The following NCOA6 variants were observed in gnomAD, a reference collection of about 807,000 sequenced individuals.
NCOA6 encodes NRC RAP250.
A neutral mutation model predicts 171.4 loss-of-function variants in NCOA6; 49 were observed. The observed-to-expected ratio is 0.29, with a 90% CI of 0.23 to 0.36. The LOEUF is 0.36. Among genes scored for constraint, NCOA6 ranks in the 10% least tolerant of loss-of-function variants. The probability of loss-of-function intolerance (pLI) is 1.00; values close to 1 mark genes in which losing one functional copy is unlikely to be tolerated. For missense variants in NCOA6, 2,248 were observed against 2,554.5 expected, an observed-to-expected ratio of 0.88 and a Z score of 2.59; for synonymous variants, 910 against 927.5, an observed-to-expected ratio of 0.98 and a Z score of 0.34.
At chr20:34,755,659 C>CTAG (rs2076620813) in intron 7 of NCOA6, among the ~76,000 whole-genome samples, 1 of 152,228 alleles carries the variant, frequency 6.6e-6, no homozygotes, top group Non-Finnish European at 1.5e-5. Context: ...CCTAGGTGAG[C>CTAG]ATATCATCTG....
intron 5 of NCOA6, among the ~76,000 whole-genome samples, chr20:34,762,124 GGTT>G (rs2076836861): frequency 6.6e-6 from 1 of 152,144 alleles, no homozygotes; most frequent in African/African-American, 2.4e-5. Flanking sequence ...CTTGAGGCTA[GGTT>G]GTTAAATACG....
At chr20:34,722,901 G>C (rs991655834) in intron 14 of NCOA6, among the ~76,000 whole-genome samples, 1 of 152,050 alleles carries the variant, frequency 6.6e-6, no homozygotes, top group Non-Finnish European at 1.5e-5. Context: ...CAGCAACCTG[G>C]GATGTTGAGG....
chr20:34,775,684 A>G (rs1600970582), intron 4 of NCOA6, among the ~76,000 whole-genome samples: 2 of 44,154 alleles, frequency 4.5e-5, no homozygotes, highest in African/African-American at 1.6e-4. Context: ...AAAAAAAAAA[A>G]AAAAAAAAGA....
intron 1 of NCOA6, among the ~76,000 whole-genome samples, chr20:34,813,267 A>C (rs1339446683): frequency 6.6e-6 from 1 of 151,464 alleles, no homozygotes; most frequent in African/African-American, 2.4e-5. Flanking sequence ...GGAGTTCGAG[A>C]CCATCTTGGC....
At position 34,782,143 on chromosome 20, in the gene NCOA6, G is replaced by A. The variant is rs1420719345; in HGVS notation, c.213C>T (p.Asn71=). The A allele has an allele frequency of 8.1e-6, 13 of 1,598,358 alleles. No homozygotes were observed. Among genetic ancestry groups the A allele is most frequent in the South Asian group, 2.3e-5 (2 of 88,654 alleles). ...FKWKLDAILK[N]VPNLLHMESS... ...TACCCATGTGTAACAAATTGGGCAC[G>A]TTTTTCAATATTGCATCTAATTTCC... The change falls in exon 3 of 15, where the codon AAC becomes AAT. Residue 71 remains asparagine, a synonymous_variant. Transcript: ENST00000359003.
At chr20:34,799,176 CT>C (rs1052631573) in intron 1 of NCOA6, among the ~76,000 whole-genome samples, 10 of 152,174 alleles carry the variant, frequency 6.6e-5, no homozygotes, top group African/African-American at 2.4e-4. Context: ...AGCAGAAATT[CT>C]GGATTGAAAA....
intron 14 of NCOA6, among the ~76,000 whole-genome samples, chr20:34,723,510 A>G (rs1989619816): frequency 6.6e-6 from 1 of 152,196 alleles, no homozygotes; most frequent in African/African-American, 2.4e-5. Flanking sequence ...TTCCAGGGAC[A>G]GGCCAGAGCT....
intron 1 of NCOA6, chr20:34,819,679 T>C (rs1035099323): frequency 6.6e-6 from 1 of 152,192 alleles, no homozygotes; most frequent in Non-Finnish European, 1.5e-5. Flanking sequence ...AATGAGCCCC[T>C]GCTCTGTACC....
At chr20:34,773,000 T>C (rs999130437) in intron 4 of NCOA6, among the ~76,000 whole-genome samples, 1 of 152,216 alleles carries the variant, frequency 6.6e-6, no homozygotes, top group Admixed American at 6.5e-5. Context: ...TGCTAATTTG[T>C]GTCAAAGAGA....
At chr20:34,781,068 T>C (rs2077502769) in intron 3 of NCOA6, among the ~76,000 whole-genome samples, 1 of 152,226 alleles carries the variant, frequency 6.6e-6, no homozygotes, top group Non-Finnish European at 1.5e-5. Flanking sequence ...CAGCAAGACC[T>C]TTATAATATA....
At chr20:34,764,876 G>A (rs181236715) in intron 5 of NCOA6, among the ~76,000 whole-genome samples, 1 of 151,982 alleles carries the variant, frequency 6.6e-6, no homozygotes, top group East Asian at 1.9e-4. Flanking sequence ...CACTTTGTGA[G>A]GCCCAGGTGG....
rs370866874 is a variant in NCOA6, at chr20:34,757,481, G to A, written c.1267C>T (p.Leu423Phe). The A allele has an allele frequency of 9.3e-6, 15 of 1,613,850 alleles. No individual in the cohort carries two copies. The highest frequency in any genetic ancestry group is 3.3e-5 in the Admixed American group (2 of 59,988). Residue 423 changes from leucine to phenylalanine, a missense_variant, in exon 7 of 15, where the codon CTC becomes TTC. Leu to Phe is a conservative substitution (Grantham distance 22). Coordinates refer to ENST00000359003, the MANE Select transcript of NCOA6 (RefSeq NM_014071.5). The stretch of plus-strand genomic sequence containing the variant: ...GAGGAGGCAGGAGACTTGTTGGTGA[G>A]GTGGGGCTGCTGCAAGGGAGTTGGG... ...RVPTPLQQPH[L>F]TNKSPASSPS... is the part of the protein sequence containing the mutation.
intron 14 of NCOA6, among the ~76,000 whole-genome samples, chr20:34,723,506 G>A (rs1159305730): frequency 6.6e-6 from 1 of 152,064 alleles, no homozygotes; most frequent in African/African-American, 2.4e-5. Context: ...GTGATTCCAG[G>A]GACAGGCCAG....
At chr20:34,735,898 T>A (rs965801485) in intron 12 of NCOA6, among the ~76,000 whole-genome samples, 6 of 152,198 alleles carry the variant, frequency 3.9e-5, no homozygotes, top group African/African-American at 1.4e-4. Context: ...GTGTGTGAAT[T>A]GTAGTTTCAA....
In NCOA6 at chr20:34,795,732, G is replaced by C. The variant is rs1179268592; in HGVS notation, c.-163-3169C>G. Among the ~76,000 whole-genome samples, 4 of 152,268 alleles carry C rather than the reference G, an allele frequency of 2.6e-5. No individual in the cohort carries two copies. The South Asian group carries it at 8.3e-4, about 32-fold the overall frequency. On this transcript the variant is annotated intron_variant, in intron 1 of 14. Transcript: ENST00000359003. The stretch of plus-strand genomic sequence containing the variant: ...TTTGAAATAATTTTTTAGGCAGCTG[G>C]GGGAAACTGAATGTGAACTGAGTAG...
chr20:34,743,974 T>A (rs144529404), intron 10 of NCOA6, among the ~76,000 whole-genome samples: 1 of 152,338 alleles, frequency 6.6e-6, no homozygotes, highest in Non-Finnish European at 1.5e-5. Context: ...TCCTTCAGGC[T>A]TAATCCTTTG....
chr20:34,727,078 C>G (rs905440624), intron 14 of NCOA6, among the ~76,000 whole-genome samples, 181 bp downstream of exon 14: 1 of 152,138 alleles, frequency 6.6e-6, no homozygotes, highest in Non-Finnish European at 1.5e-5. Flanking sequence ...TGAGTACACA[C>G]ACAGAAAACA....
chr20:34,798,929 G>T (rs182688965), intron 1 of NCOA6, among the ~76,000 whole-genome samples: 2 of 152,236 alleles, frequency 1.3e-5, no homozygotes, highest in African/African-American at 4.8e-5. Flanking sequence ...CCAATGCCTA[G>T]ACACCAACAA....
At chr20:34,800,303 A>G in intron 1 of NCOA6, among the ~76,000 whole-genome samples, 1 of 152,166 alleles carries the variant, frequency 6.6e-6, no homozygotes, top group East Asian at 1.9e-4. Flanking sequence ...GAAGGAAGGG[A>G]AGAAGGAAAA....
Sources: gnomAD v4.1 joint callset for allele counts (sites outside exome capture counted in the v4.1 genomes callset) on GRCh38, gnomAD v4.1.1 for gene constraint, MANE v1.5 for transcripts, NCBI Gene and HGNC (gene_info 2026-07-23, HGNC 2026-07-21) for gene names.